The following SS18 variants were observed in gnomAD, a reference collection of about 807,000 sequenced individuals.
SS18 encodes the protein SS18 subunit of BAF chromatin remodeling complex.
In SS18, 28 loss-of-function variants were observed where a neutral mutation model predicts 72.5. That is an observed-to-expected ratio of 0.39 (90% CI 0.29 to 0.53). The LOEUF is 0.53. Ranked by LOEUF, SS18 falls within the 20% of genes least tolerant of loss-of-function variation. SS18 has a pLI of 0.76. For synonymous variants in SS18, 172 were observed against 164.2 expected (o/e 1.05, Z -0.37); for missense variants, 518 against 535.3 (o/e 0.97, Z 0.32).
chr18:26,071,546 G>A (rs889521317), intron 3 of SS18, among the ~76,000 whole-genome samples: 1 of 152,224 alleles, frequency 6.6e-6, no homozygotes, highest in Non-Finnish European at 1.5e-5. Context: ...AAGAATCATG[G>A]TGAGCCAGGT....
chr18:26,081,549 GTAAA>G (rs1291343836), intron 2 of SS18, among the ~76,000 whole-genome samples: 1 of 152,016 alleles, frequency 6.6e-6, no homozygotes, highest in African/African-American at 2.4e-5. Context: ...CAAAAAAGTA[GTAAA>G]TACTCATATT....
intron 3 of SS18, among the ~76,000 whole-genome samples, chr18:26,070,226 CAACT>C (rs1211826384): frequency 1.3e-5 from 2 of 152,012 alleles, no homozygotes; most frequent in East Asian, 1.9e-4. Flanking sequence ...AAGTAAACAC[CAACT>C]GAGAACCAAC....
chr18:26,040,822 T>C (rs2053710791), intron 5 of SS18, among the ~76,000 whole-genome samples: 2 of 152,324 alleles, frequency 1.3e-5, no homozygotes, highest in Non-Finnish European at 2.9e-5. Context: ...CTCTGGGACC[T>C]TTCTTTCAAC....
chr18:26,039,185 A>AG lies in SS18; in HGVS notation c.775+103_775+104insC, dbSNP rs1331848807. On this transcript the variant is annotated intron_variant, in intron 6 of 10. Transcript: ENST00000415083. ...CCTTTTGTCAAAAAAAAAAAAAAAA[A>AG]AAAAAAAAAAGAAAACGCCCTGACT... 4.5e-6 allele frequency: 4 copies of AG among 891,600 alleles called. 1 individual carries two copies. In the African/African-American group the frequency reaches 5.1e-5, roughly 11 times the overall value. The allele number at this position is 891,600 out of a possible 1,614,324, so 55.2% of individuals were successfully genotyped here.
At chr18:26,063,017 T>C (rs1178160343) in intron 3 of SS18, among the ~76,000 whole-genome samples, 2 of 152,224 alleles carry the variant, frequency 1.3e-5, no homozygotes, top group Non-Finnish European at 2.9e-5. Context: ...GTAACCAATT[T>C]GTTTGACCTA....
At chr18:26,090,443 C>T in intron 1 of SS18, 58 bp downstream of exon 1, 1 of 1,520,392 alleles carries the variant, frequency 6.6e-7, no homozygotes, top group Non-Finnish European at 8.9e-7. Context: ...CTTCCCCCCG[C>T]GTCTGTCTCT....
chr18:26,089,628 G>A lies in SS18; in HGVS notation c.69+873C>T, dbSNP rs373199996. 10 of 152,350 alleles carry A rather than the reference G, an allele frequency of 6.6e-5. No homozygotes were observed. The East Asian group carries it at 1.9e-3, about 29-fold the overall frequency. The allele number at this position is 152,350 out of a possible 1,614,324, so 9.4% of individuals were successfully genotyped here. ...TCAGTAAAATTTAGAATGCTGCCTT[G>A]CTTGCAGGCAACAAGGGGTAGAGGA... On this transcript the variant is annotated intron_variant, in intron 1 of 10. Transcript: ENST00000415083.
rs1212762891 is a variant in SS18, at chr18:26,035,879, C to CT, written c.924dup (p.Gly309ArgfsTer4). ...GAATCCTCATAAGGCCTATCGTAGC[C>CT]TTGTTCAGGATACGACGGTTGCTGA... On this transcript the variant is annotated frameshift_variant, in exon 8 of 11. Transcript: ENST00000415083. LOFTEE classifies it high-confidence loss of function. The surrounding 1 kb of genome is among the most constrained non-coding windows in gnomAD (Gnocchi z 4.4). 1 of 1,602,772 alleles carries CT rather than the reference C, an allele frequency of 6.2e-7. No individual in the cohort carries two copies. Among genetic ancestry groups the CT allele is most frequent in the South Asian group, 1.1e-5 (1 of 89,336 alleles).
chr18:26,082,518 T>C (rs936368140), intron 2 of SS18: 2 of 985,244 alleles, frequency 2.0e-6, no homozygotes, highest in Non-Finnish European at 2.4e-6. Flanking sequence ...CTGGAATAGT[T>C]TGGACTCACC....
At chr18:26,041,524 A>C (rs935302576) in intron 5 of SS18, among the ~76,000 whole-genome samples, 3 of 152,226 alleles carry the variant, frequency 2.0e-5, no homozygotes, top group African/African-American at 7.2e-5. Flanking sequence ...TAGCAGTTAT[A>C]ATTTTCAAAT....
chr18:26,090,250 G>A (rs1225701659), intron 1 of SS18: 1 of 529,556 alleles, frequency 1.9e-6, no homozygotes, highest in Non-Finnish European at 3.3e-6. Context: ...GAGAAATCAG[G>A]CGGCGGCTGT....
chr18:26,020,812 A>C (rs1057357495), intron 10 of SS18, among the ~76,000 whole-genome samples: 2 of 152,220 alleles, frequency 1.3e-5, no homozygotes, highest in Non-Finnish European at 2.9e-5. Context: ...ATAGCAGAAA[A>C]GAAGAAAAGA....
intron 5 of SS18, among the ~76,000 whole-genome samples, chr18:26,047,620 T>A (rs1006663563): frequency 6.6e-6 from 1 of 151,950 alleles, no homozygotes; most frequent in Non-Finnish European, 1.5e-5. Context: ...GGCGGGCAGA[T>A]CACAAGGTCA....
In SS18 at chr18:26,026,578, C is replaced by T. The variant is rs549802449; in HGVS notation, c.1230+5821G>A. ...TTTCTCTCTAAGATCAGGAACAAGA[C>T]AAAAGATGTCTACTCTCACCATTTT... On this transcript the variant is annotated intron_variant, in intron 10 of 10. Coordinates refer to ENST00000415083, the MANE Select transcript of SS18 (RefSeq NM_001007559.3). Among the ~76,000 whole-genome samples, 3 of 152,060 alleles carry T rather than the reference C, an allele frequency of 2.0e-5. No homozygotes were observed. The East Asian group carries it at 5.8e-4, about 29-fold the overall frequency.
intron 3 of SS18, among the ~76,000 whole-genome samples, chr18:26,064,398 C>G (rs2054176881): frequency 6.6e-6 from 1 of 152,028 alleles, no homozygotes. Context: ...TTTAGCAAAT[C>G]AAATCCAGAC....
At chr18:26,025,920 C>T (rs567332003) in intron 10 of SS18, among the ~76,000 whole-genome samples, 2 of 151,922 alleles carry the variant, frequency 1.3e-5, no homozygotes, top group Non-Finnish European at 2.9e-5. Flanking sequence ...CCTTGACTTG[C>T]CATGGGGTTA....
intron 2 of SS18, chr18:26,082,676 A>T (rs879211506): frequency 5.0e-6 from 1 of 200,286 alleles, no homozygotes; most frequent in Admixed American, 6.5e-5. Context: ...GCGCTCCACA[A>T]GTGATTCAGA....
intron 10 of SS18, among the ~76,000 whole-genome samples, chr18:26,026,613 T>C (rs945697124): frequency 1.3e-5 from 2 of 151,948 alleles, no homozygotes; most frequent in African/African-American, 4.8e-5. Context: ...TTATTTAACA[T>C]GGTATTGGAG....
intron 10 of SS18, among the ~76,000 whole-genome samples, chr18:26,023,347 C>CT (rs2053386052): frequency 1.3e-5 from 2 of 152,206 alleles, no homozygotes; most frequent in African/African-American, 4.8e-5. Context: ...ATGACAAAGT[C>CT]TGAGATAACA....
Sources: allele counts gnomAD v4.1 joint callset (sites outside exome capture counted in the v4.1 genomes callset), GRCh38; gene constraint gnomAD v4.1.1; non-coding constraint Gnocchi (gnomAD v3.1); transcripts MANE v1.5; gene names NCBI Gene and HGNC (gene_info 2026-07-23, HGNC 2026-07-21).